The following AP3B1 variants were observed in gnomAD, a reference collection of about 807,000 sequenced individuals.
AP3B1 encodes the protein adaptor related protein complex 3 subunit beta 1.
AP3B1 carries 61 observed loss-of-function variants against 132.5 expected under a neutral mutation model. The ratio of observed to expected loss-of-function variants is 0.46; its 90% confidence interval spans 0.37 to 0.57. The LOEUF is 0.57. AP3B1 is among the 20% of genes least tolerant of loss of function. The pLI is 0.00. For synonymous variants in AP3B1, 388 were observed against 438.3 expected, an observed-to-expected ratio of 0.89 and a Z score of 1.43; for missense variants, 1,120 against 1,289.4, an observed-to-expected ratio of 0.87 and a Z score of 2.01.
intron 1 of AP3B1, among the ~76,000 whole-genome samples, chr5:78,284,249 T>C (rs1749177791): frequency 6.6e-6 from 1 of 152,188 alleles, no homozygotes; most frequent in African/African-American, 2.4e-5. Context: ...ACATTACAGC[T>C]CTAAACCTAG....
rs1469874208 is a variant in AP3B1 at position 78,251,338 on chromosome 5, G to GA, written c.205-10403dup. 7.2e-5 allele frequency among the ~76,000 whole-genome samples: 11 copies of GA among 152,164 alleles called. No homozygotes were observed. In the South Asian group the frequency reaches 1.7e-3, roughly 23 times the overall value. On this transcript the variant is annotated intron_variant, in intron 2 of 26. Coordinates refer to ENST00000255194, the MANE Select transcript of AP3B1 (RefSeq NM_003664.5). The stretch of plus-strand genomic sequence containing the variant: ...AAAAAAGTTAACAACTATCTACACA[G>GA]AAAAAAACACCTTCATAAGAACCAA...
chr5:78,232,242 C>T (rs532275452), intron 3 of AP3B1, among the ~76,000 whole-genome samples: 15 of 152,294 alleles, frequency 9.8e-5, no homozygotes, highest in African/African-American at 3.1e-4. Context: ...CCACATTCCT[C>T]GGAGAGACAG....
chr5:78,215,804 C>T (rs1229851460), intron 7 of AP3B1, among the ~76,000 whole-genome samples: 2 of 152,148 alleles, frequency 1.3e-5, no homozygotes, highest in Non-Finnish European at 2.9e-5. Context: ...TAACAAGGGC[C>T]TCTTGCCAGT....
chr5:78,085,691 C>T (rs1242418549), intron 22 of AP3B1, among the ~76,000 whole-genome samples: 1 of 152,002 alleles, frequency 6.6e-6, no homozygotes, highest in Non-Finnish European at 1.5e-5. Context: ...TTAAACATTA[C>T]AGAAAAGAAC....
chr5:78,252,082 G>A (rs936234359), intron 2 of AP3B1, among the ~76,000 whole-genome samples: 5 of 152,110 alleles, frequency 3.3e-5, no homozygotes, highest in Non-Finnish European at 7.4e-5. Flanking sequence ...ACACACCCTC[G>A]TCCAGAAGGG....
chr5:78,000,776 A>G (rs1009185353), downstream of AP3B1: 93 of 152,342 alleles, frequency 6.1e-4, no homozygotes, highest in African/African-American at 2.2e-3. Flanking sequence ...CAATGGAACA[A>G]TTTAAAGATA....
At chr5:78,175,740 T>G in intron 10 of AP3B1, 43 bp from the exon 11 acceptor site, 1 of 1,606,482 alleles carries the variant, frequency 6.2e-7, no homozygotes, top group Non-Finnish European at 8.5e-7. Flanking sequence ...ATGGTACTAA[T>G]GTGTTCATGT....
At chr5:78,007,006 A>G (rs1299209393) in intron 26 of AP3B1, among the ~76,000 whole-genome samples, 1 of 152,234 alleles carries the variant, frequency 6.6e-6, no homozygotes, top group East Asian at 1.9e-4. Flanking sequence ...CATAATTATA[A>G]AAACAGACCA....
intron 13 of AP3B1, among the ~76,000 whole-genome samples, chr5:78,157,475 G>A (rs1377551388): frequency 6.6e-6 from 1 of 152,130 alleles, no homozygotes; most frequent in East Asian, 1.9e-4. Flanking sequence ...ACGGGATTTA[G>A]TTATCATACT....
At chr5:78,179,296 G>T (rs962440534) in intron 8 of AP3B1, among the ~76,000 whole-genome samples, 3 of 152,102 alleles carry the variant, frequency 2.0e-5, no homozygotes, top group Admixed American at 1.3e-4. Flanking sequence ...AATCCTACTG[G>T]CAAGAAAGCA....
intron 2 of AP3B1, among the ~76,000 whole-genome samples, chr5:78,266,279 C>T (rs923721199): frequency 9.9e-5 from 15 of 152,252 alleles, no homozygotes; most frequent in Middle Eastern, 3.4e-3. Flanking sequence ...GCAAGAACTG[C>T]CTGCCCATAA....
At chr5:78,142,369 G>A (rs959788570) in intron 14 of AP3B1, among the ~76,000 whole-genome samples, 3 of 152,086 alleles carry the variant, frequency 2.0e-5, no homozygotes, top group Admixed American at 6.5e-5. Context: ...TTTTCACCTC[G>A]CACAGAAAAT....
chr5:78,108,329 C>T (rs758344316), intron 20 of AP3B1, among the ~76,000 whole-genome samples: 1 of 152,144 alleles, frequency 6.6e-6, no homozygotes, highest in African/African-American at 2.4e-5. Context: ...GACTTTTCCA[C>T]AATTATAGTC....
chr5:78,119,984 C>T (rs1453570941), intron 17 of AP3B1, among the ~76,000 whole-genome samples: 1 of 152,206 alleles, frequency 6.6e-6, no homozygotes. Flanking sequence ...AGACTAACAG[C>T]TGATCTCTTG....
At chr5:78,202,433 GA>G (rs1423042493) in intron 7 of AP3B1, among the ~76,000 whole-genome samples, 1 of 152,056 alleles carries the variant, frequency 6.6e-6, no homozygotes, top group Non-Finnish European at 1.5e-5. Flanking sequence ...ATGGGGAACT[GA>G]AGTGCAGGAA....
chr5:78,128,903 A>C (rs1345967921), intron 16 of AP3B1, among the ~76,000 whole-genome samples: 1 of 151,990 alleles, frequency 6.6e-6, no homozygotes, highest in Admixed American at 6.6e-5. Context: ...AGAACGCTTA[A>C]AATTATTTAG....
intron 6 of AP3B1, among the ~76,000 whole-genome samples, chr5:78,220,825 T>C (rs546026441): frequency 2.6e-5 from 4 of 152,006 alleles, no homozygotes; most frequent in Non-Finnish European, 4.4e-5. Context: ...CAAAGCGAGA[T>C]CACTTGAGCC....
chr5:78,190,614 A>G (rs548311531), intron 7 of AP3B1, among the ~76,000 whole-genome samples: 1 of 152,314 alleles, frequency 6.6e-6, no homozygotes, highest in South Asian at 2.1e-4. Flanking sequence ...CTCTATGACC[A>G]TGACAAATCA....
intron 7 of AP3B1, among the ~76,000 whole-genome samples, chr5:78,192,139 T>C (rs1360377043): frequency 6.6e-6 from 1 of 151,032 alleles, no homozygotes; most frequent in African/African-American, 2.4e-5. Flanking sequence ...GGATTACAGG[T>C]GTGAGCCACT....
Sources: gnomAD v4.1 joint callset for allele counts (sites outside exome capture counted in the v4.1 genomes callset) on GRCh38, gnomAD v4.1.1 for gene constraint, MANE v1.5 for transcripts, NCBI Gene and HGNC (gene_info 2026-07-23, HGNC 2026-07-21) for gene names.